The following CLMN variants were observed in gnomAD, a reference collection of about 807,000 sequenced individuals.
The protein encoded by CLMN is calmin (calponin-like, transmembrane).
In CLMN, 57 loss-of-function variants were observed where a neutral mutation model predicts 92.7. The observed-to-expected ratio is 0.61, with a 90% CI of 0.50 to 0.77. The LOEUF (loss-of-function observed/expected upper bound fraction) is 0.77. Among genes scored for constraint, CLMN ranks in the 30% least tolerant of loss-of-function variants. CLMN has a pLI of 0.00. For synonymous variants in CLMN, 466 were observed against 470.6 expected (o/e 0.99, Z 0.13); for missense variants, 1,158 against 1,237.5 (o/e 0.94, Z 0.96).
intron 1 of CLMN, among the ~76,000 whole-genome samples, chr14:95,255,417 C>T (rs763343634): frequency 4.6e-5 from 7 of 152,098 alleles, no homozygotes; most frequent in Non-Finnish European, 1.0e-4. Context: ...GTCTTGTTAT[C>T]ATTGATTTTA....
chr14:95,202,946 G>A lies in CLMN; in HGVS notation c.2403C>T (p.Ser801=), dbSNP rs1397447540. ...PSASDQVLYL[S]RGGVGTTPAS... Reference sequence around the variant, plus strand: ...CTGGTGTGGTACCCACACCACCCCTGCTGAGATACAGCACCTGGTCGCTGG... The same window carrying A: ...CTGGTGTGGTACCCACACCACCCCTACTGAGATACAGCACCTGGTCGCTGG... The change falls in exon 9 of 13, where the codon AGC becomes AGT. Residue 801 remains serine (S), a synonymous_variant. Coordinates refer to ENST00000298912, the MANE Select transcript of CLMN (RefSeq NM_024734.4). The A allele has an allele frequency of 6.2e-7, 1 of 1,613,894 alleles. No individual in the cohort carries two copies. The highest frequency in any genetic ancestry group is 1.3e-5 in the African/African-American group (1 of 75,018).
At chr14:95,260,209 AG>A (rs1363811796) in intron 1 of CLMN, among the ~76,000 whole-genome samples, 2 of 152,214 alleles carry the variant, frequency 1.3e-5, no homozygotes, top group African/African-American at 2.4e-5. Flanking sequence ...TGGGAGGCCG[AG>A]GCAGGCAGAT....
intron 1 of CLMN, among the ~76,000 whole-genome samples, chr14:95,299,588 A>G (rs1486832977): frequency 6.6e-6 from 1 of 152,218 alleles, no homozygotes; most frequent in African/African-American, 2.4e-5. Context: ...ACTAGGAAGT[A>G]GAAGGTAAAT....
intron 1 of CLMN, among the ~76,000 whole-genome samples, chr14:95,250,715 C>T (rs1454647605): frequency 1.3e-5 from 2 of 152,228 alleles, no homozygotes; most frequent in African/African-American, 2.4e-5. Context: ...TGCAGATTAA[C>T]TCTATTGGAG....
intron 1 of CLMN, among the ~76,000 whole-genome samples, chr14:95,287,852 G>A (rs1900402238): frequency 6.6e-6 from 1 of 152,148 alleles, no homozygotes; most frequent in South Asian, 2.1e-4. Flanking sequence ...CTCCTAGCCA[G>A]CTATCTGCAT....
chr14:95,291,562 G>C (rs181532254), intron 1 of CLMN, among the ~76,000 whole-genome samples: 1 of 152,160 alleles, frequency 6.6e-6, no homozygotes, highest in African/African-American at 2.4e-5. Flanking sequence ...CAGGAGAGAC[G>C]GAGTCAGACT....
At chr14:95,278,153 C>A (rs1349203189) in intron 1 of CLMN, among the ~76,000 whole-genome samples, 1 of 151,986 alleles carries the variant, frequency 6.6e-6, no homozygotes. Flanking sequence ...CCTCATACAC[C>A]CATAGTTAAG....
chr14:95,242,724 T>C (rs1007166528), intron 1 of CLMN, among the ~76,000 whole-genome samples: 3 of 152,116 alleles, frequency 2.0e-5, no homozygotes, highest in African/African-American at 7.2e-5. Flanking sequence ...CATGCCACCA[T>C]GTCCGGCTCA....
At chr14:95,243,809 T>C (rs1380672001) in intron 1 of CLMN, among the ~76,000 whole-genome samples, 1 of 151,794 alleles carries the variant, frequency 6.6e-6, no homozygotes, top group Non-Finnish European at 1.5e-5. Context: ...GGAGAGGCCT[T>C]TCAGTAAAAG....
rs1432785828 is a variant in CLMN, at chr14:95,221,677, C to T, written c.324+14G>A. On this transcript the variant is annotated intron_variant, in intron 4 of 12. Transcript: ENST00000298912. ...GACAAGCTTGTGTTAGCAGGATGAG[C>T]TTCAAACACTTACATTGCTATCTTC... 1 of 1,610,642 alleles carries T rather than the reference C, an allele frequency of 6.2e-7. No individual in the cohort carries two copies. Among genetic ancestry groups the T allele is most frequent in the Non-Finnish European group, 8.5e-7 (1 of 1,177,190 alleles).
chr14:95,223,758 A>G lies in CLMN; in HGVS notation c.240+2T>C. The G allele has an allele frequency of 1.9e-6, 3 of 1,608,670 alleles. No individual in the cohort carries two copies. Among genetic ancestry groups the G allele is most frequent in the Non-Finnish European group, 2.6e-6 (3 of 1,176,164 alleles). On this transcript the variant is annotated splice_donor_variant, in intron 3 of 12. Transcript: ENST00000298912. LOFTEE classifies it high-confidence loss of function. ...TTTCTGACCCTTCTGTAACATACGT[A>G]CCAGATTCCGCCCAGACAGGACTTC...
At chr14:95,245,270 T>TAATA (rs1427351722) in intron 1 of CLMN, among the ~76,000 whole-genome samples, 3 of 53,726 alleles carry the variant, frequency 5.6e-5, no homozygotes, top group African/African-American at 2.6e-4. Flanking sequence ...TATATATATA[T>TAATA]TATATATATA....
chr14:95,202,180 G>A (rs950136200), intron 9 of CLMN, among the ~76,000 whole-genome samples: 3 of 152,136 alleles, frequency 2.0e-5, no homozygotes, highest in African/African-American at 2.4e-5. Context: ...ACAATGGTTG[G>A]ACTAATTTAC....
At chr14:95,310,924 T>C (rs950402943) in intron 1 of CLMN, among the ~76,000 whole-genome samples, 1 of 152,196 alleles carries the variant, frequency 6.6e-6, no homozygotes, top group Non-Finnish European at 1.5e-5. Flanking sequence ...GCAGCACTTC[T>C]TCCCAGGGGC....
At chr14:95,212,378 G>T (rs942144446) in intron 6 of CLMN, among the ~76,000 whole-genome samples, 1 of 152,166 alleles carries the variant, frequency 6.6e-6, no homozygotes, top group African/African-American at 2.4e-5. Context: ...CACCACACTG[G>T]TCTGGCATTT....
intron 1 of CLMN, among the ~76,000 whole-genome samples, chr14:95,239,452 C>T (rs1173974927): frequency 6.6e-6 from 1 of 152,220 alleles, no homozygotes; most frequent in Admixed American, 6.5e-5. Flanking sequence ...TTCTGGGCCC[C>T]TGACCATGAT....
chr14:95,280,876 C>T (rs1055734981), intron 1 of CLMN, among the ~76,000 whole-genome samples: 1 of 152,126 alleles, frequency 6.6e-6, no homozygotes, highest in East Asian at 1.9e-4. Flanking sequence ...TTACATGCCA[C>T]GAAAGTAACC....
At position 95,204,086 on chromosome 14, in the gene CLMN, C is replaced by A; in HGVS notation, c.1263G>T (p.Pro421=). 1.2e-6 allele frequency: 2 copies of A among 1,614,066 alleles called. No individual in the cohort carries two copies. The highest frequency in any genetic ancestry group is 1.7e-6 in the Non-Finnish European group (2 of 1,179,984). ...RKENGRSNSL[P]IKKTVHFEAD... is the part of the protein sequence containing the mutation. Reference sequence around the variant, plus strand: ...CCTCAAAGTGAACTGTTTTCTTGATCGGCAAAGAGTTGGACCTCCCGTTCT... The same window carrying A: ...CCTCAAAGTGAACTGTTTTCTTGATAGGCAAAGAGTTGGACCTCCCGTTCT... The change falls in exon 9 of 13, where the codon CCG becomes CCT. Residue 421 remains proline, a synonymous_variant. Transcript: ENST00000298912.
At chr14:95,193,030 A>T in intron 12 of CLMN, 1 of 317,084 alleles carries the variant, frequency 3.2e-6, no homozygotes. Context: ...AGCCAGAGGG[A>T]TGGGGTTCTA....
Sources: gnomAD v4.1 joint callset for allele counts (sites outside exome capture counted in the v4.1 genomes callset) on GRCh38, gnomAD v4.1.1 for gene constraint, MANE v1.5 for transcripts, NCBI Gene and HGNC (gene_info 2026-07-23, HGNC 2026-07-21) for gene names.